The following EPB41L5 variants were observed in gnomAD, a reference collection of about 807,000 sequenced individuals.
EPB41L5 encodes band 4.1-like protein 5.
EPB41L5 carries 55 observed loss-of-function variants against 106.6 expected under a neutral mutation model. The observed-to-expected ratio is 0.52, with a 90% confidence interval of 0.42 to 0.65. The LOEUF (loss-of-function observed/expected upper bound fraction) is 0.65, where lower values mean the gene tolerates loss of function less well. Among genes scored for constraint, EPB41L5 ranks in the 30% least tolerant of loss-of-function variants. The pLI, the probability that EPB41L5 is intolerant of heterozygous loss-of-function variation, is 0.00. For missense variants in EPB41L5, 871 were observed against 882.1 expected, an observed-to-expected ratio of 0.99 and a Z score of 0.16; for synonymous variants, 297 against 306.7, an observed-to-expected ratio of 0.97 and a Z score of 0.33.
At chr2:120,132,444 C>G (rs542329952) in intron 18 of EPB41L5, among the ~76,000 whole-genome samples, 1 of 152,124 alleles carries the variant, frequency 6.6e-6, no homozygotes, top group Admixed American at 6.5e-5. Context: ...GAACGGCTGA[C>G]TCACGGTGTT....
intron 10 of EPB41L5, among the ~76,000 whole-genome samples, chr2:120,086,153 A>G (rs1028503579): frequency 3.3e-5 from 5 of 152,176 alleles, no homozygotes; most frequent in African/African-American, 9.7e-5. Context: ...GTGAGCCAAG[A>G]TCACGCCACT....
chr2:120,024,345 A>T (rs1024012624), intron 2 of EPB41L5, among the ~76,000 whole-genome samples: 1 of 152,326 alleles, frequency 6.6e-6, no homozygotes, highest in South Asian at 2.1e-4. Flanking sequence ...TTATTTTAAG[A>T]TACGTTCCAT....
chr2:120,090,663 G>A, intron 12 of EPB41L5, 147 bp downstream of exon 12: 3 of 628,592 alleles, frequency 4.8e-6, no homozygotes, highest in African/African-American at 3.7e-5. Context: ...AAATAAAATA[G>A]AAAAAGTGGT....
intron 2 of EPB41L5, among the ~76,000 whole-genome samples, chr2:120,024,340 T>C (rs1678159233): frequency 6.6e-6 from 1 of 152,208 alleles, no homozygotes; most frequent in Non-Finnish European, 1.5e-5. Flanking sequence ...TTAAATTATT[T>C]TAAGATACGT....
chr2:120,066,723 T>G (rs1182490564), intron 3 of EPB41L5, among the ~76,000 whole-genome samples: 2 of 152,188 alleles, frequency 1.3e-5, no homozygotes, highest in Non-Finnish European at 2.9e-5. Flanking sequence ...AGAGGCTACA[T>G]GAAATAGTGC....
chr2:120,100,346 A>G, intron 15 of EPB41L5, 60 bp downstream of exon 15: 1 of 1,488,770 alleles, frequency 6.7e-7, no homozygotes, highest in Non-Finnish European at 9.3e-7. Flanking sequence ...TAACAGTAGT[A>G]GTATTGATTG....
rs1166840301 is a variant in EPB41L5, at chr2:120,175,564, T to G, written c.*657T>G. On this transcript the variant is annotated 3_prime_UTR_variant, in exon 25 of 25. Transcript: ENST00000263713. ...CATCAAGATAAACCCTGAGAAGAAC[T>G]ACGGAGAAATCAAATAAAATCCTGT... 6.6e-6 allele frequency: 1 copy of G among 152,140 alleles called. No individual in the cohort carries two copies. Among genetic ancestry groups the G allele is most frequent in the East Asian group, 1.9e-4 (1 of 5,198 alleles). 9.4% of individuals were successfully genotyped at this position (152,140 alleles called of 1,614,324 possible).
intron 2 of EPB41L5, among the ~76,000 whole-genome samples, chr2:120,027,158 A>G (rs564249462): frequency 1.0e-3 from 154 of 152,370 alleles, no homozygotes; most frequent in South Asian, 2.5e-3. Context: ...AGTTATTCAT[A>G]TAGTACCACC....
chr2:120,052,579 A>C (rs765308675), intron 3 of EPB41L5, among the ~76,000 whole-genome samples: 1 of 152,186 alleles, frequency 6.6e-6, no homozygotes. Flanking sequence ...TATATCTGTT[A>C]CTATCATTTA....
At chr2:120,171,774 C>T (rs1481932443) in intron 24 of EPB41L5, among the ~76,000 whole-genome samples, 3 of 152,042 alleles carry the variant, frequency 2.0e-5, no homozygotes, top group African/African-American at 7.2e-5. Flanking sequence ...ATACACAGGT[C>T]CCAGACACAT....
intron 3 of EPB41L5, among the ~76,000 whole-genome samples, chr2:120,068,684 A>G (rs1191559125): frequency 6.6e-6 from 1 of 152,216 alleles, no homozygotes; most frequent in Non-Finnish European, 1.5e-5. Context: ...AAATGTCCCA[A>G]TTAAAAGACA....
intron 16 of EPB41L5, among the ~76,000 whole-genome samples, chr2:120,119,439 T>C (rs1239154351): frequency 6.6e-6 from 1 of 152,194 alleles, no homozygotes; most frequent in Non-Finnish European, 1.5e-5. Context: ...AATGCCTCTG[T>C]CGTGAATGGT....
intron 13 of EPB41L5, among the ~76,000 whole-genome samples, chr2:120,092,522 C>G (rs985552185): frequency 1.3e-5 from 2 of 151,842 alleles, no homozygotes; most frequent in Non-Finnish European, 2.9e-5. Context: ...TAAATTAAAC[C>G]TTGTGTTTGG....
At chr2:120,134,867 A>C (rs1003893297) in intron 18 of EPB41L5, among the ~76,000 whole-genome samples, 8 of 152,196 alleles carry the variant, frequency 5.3e-5, no homozygotes, top group African/African-American at 1.7e-4. Flanking sequence ...TGCAGAGATT[A>C]CAATAAATAC....
Position 120,167,522 on chromosome 2 carries a change from T to C in EPB41L5, c.2004+15T>C, listed in dbSNP as rs1180059266. 6.2e-7 allele frequency: 1 copy of C among 1,613,370 alleles called. No homozygotes were observed. The highest frequency in any genetic ancestry group is 2.2e-5 in the East Asian group (1 of 44,870). On this transcript the variant is annotated intron_variant, in intron 23 of 24. Coordinates refer to ENST00000263713, the MANE Select transcript of EPB41L5 (RefSeq NM_020909.4). The stretch of plus-strand genomic sequence containing the variant: ...GGATTGTTCCGGTAAGTTCATGTTA[T>C]TTGTGATTTTTCTTCTGGCTACCCT...
chr2:120,086,589 C>T (rs762541795), intron 10 of EPB41L5, among the ~76,000 whole-genome samples: 1 of 151,966 alleles, frequency 6.6e-6, no homozygotes, highest in Non-Finnish European at 1.5e-5. Context: ...TAGCGAGATG[C>T]CGTCTCTACA....
intron 16 of EPB41L5, among the ~76,000 whole-genome samples, chr2:120,102,576 C>G (rs1411789458): frequency 6.6e-6 from 1 of 152,138 alleles, no homozygotes; most frequent in African/African-American, 2.4e-5. Context: ...ATAAAGCAGT[C>G]CTCCTTTAGA....
chr2:120,079,212 A>G (rs183296029), intron 10 of EPB41L5, among the ~76,000 whole-genome samples: 13 of 152,292 alleles, frequency 8.5e-5, no homozygotes, highest in Admixed American at 2.6e-4. Context: ...CTGTTAGCGC[A>G]AAGACCTCTG....
Position 120,179,026 on chromosome 2 carries a change from G to A in EPB41L5, c.*4119G>A, listed in dbSNP as rs1241889021. On this transcript the variant is annotated 3_prime_UTR_variant, in exon 25 of 25. Coordinates refer to ENST00000263713, the MANE Select transcript of EPB41L5 (RefSeq NM_020909.4). The stretch of plus-strand genomic sequence containing the variant: ...CATTTAGTGTGTTCCAGTTTTATAT[G>A]ACTTGTATTAGAAACACTGCACTGA... 1 of 152,172 alleles carries A rather than the reference G, an allele frequency of 6.6e-6. No individual in the cohort carries two copies. Among genetic ancestry groups the A allele is most frequent in the Admixed American group, 6.5e-5 (1 of 15,272 alleles). The allele number at this position is 152,172 out of a possible 1,614,324, so 9.4% of individuals were successfully genotyped here. A position where few individuals can be genotyped will look rare whatever the true frequency, so the allele number is the denominator to read the frequency against.
Sources: allele counts gnomAD v4.1 joint callset (sites outside exome capture counted in the v4.1 genomes callset), GRCh38; gene constraint gnomAD v4.1.1; transcripts MANE v1.5; gene names NCBI Gene and HGNC (gene_info 2026-07-23, HGNC 2026-07-21).